PDGFD: variants seen among roughly 807,000 people sequenced by gnomAD.
PDGFD encodes platelet-derived growth factor D.
PDGFD carries 30 observed loss-of-function variants against 44.7 expected under a neutral mutation model. That is an observed-to-expected ratio of 0.67 (90% CI 0.50 to 0.91). PDGFD has a LOEUF of 0.91. Among genes scored for constraint, PDGFD ranks in the 40% least tolerant of loss-of-function variants. The pLI is 0.00. For synonymous variants in PDGFD, 173 were observed against 168.4 expected (o/e 1.03, Z -0.21); for missense variants, 445 against 457.8 (o/e 0.97, Z 0.25).
At chr11:104,037,893 G>C (rs760762374) in intron 1 of PDGFD, 1 of 1,614,170 alleles carries the variant, frequency 6.2e-7, no homozygotes, top group Non-Finnish European at 8.5e-7. Context: ...CTGGCACGCA[G>C]ACTTATTTTC....
At chr11:104,033,760 AC>A (rs1469745406) in intron 1 of PDGFD, among the ~76,000 whole-genome samples, 1 of 152,216 alleles carries the variant, frequency 6.6e-6, no homozygotes, top group Non-Finnish European at 1.5e-5. Flanking sequence ...TTAAAGTCTT[AC>A]TGGTTTCTCA....
chr11:104,033,724 G>A (rs944235217), intron 1 of PDGFD, among the ~76,000 whole-genome samples: 3 of 151,958 alleles, frequency 2.0e-5, no homozygotes, highest in African/African-American at 7.3e-5. Flanking sequence ...AAGCTATTTG[G>A]GGAAAAAAGA....
At chr11:103,935,396 GCAAA>G (rs1398960480) in intron 5 of PDGFD, among the ~76,000 whole-genome samples, 2 of 152,086 alleles carry the variant, frequency 1.3e-5, no homozygotes, top group Admixed American at 1.3e-4. Context: ...ATGCTTGCTG[GCAAA>G]CAGAGTAAGT....
intron 1 of PDGFD, among the ~76,000 whole-genome samples, chr11:104,010,499 T>C (rs1381997414): frequency 6.6e-6 from 1 of 152,166 alleles, no homozygotes; most frequent in Non-Finnish European, 1.5e-5. Context: ...TGTTTTGTTA[T>C]TGTACATTAG....
At chr11:103,993,952 T>A (rs1859496773) in intron 3 of PDGFD, among the ~76,000 whole-genome samples, 1 of 151,912 alleles carries the variant, frequency 6.6e-6, no homozygotes, top group Non-Finnish European at 1.5e-5. Flanking sequence ...AAATTGAATA[T>A]ACTGGTGGAG....
intron 1 of PDGFD, among the ~76,000 whole-genome samples, chr11:104,004,872 C>CTTTTTTTTTTTTTTTTTT (rs33979812): frequency 2.8e-5 from 2 of 71,892 alleles, no homozygotes; most frequent in African/African-American, 5.6e-5. Context: ...TTATTACCAC[C>CTTTTTTTTTTTTTTTTTT]TTTTTTTTTT....
chr11:104,069,584 G>A (rs548434149), intron 1 of PDGFD, among the ~76,000 whole-genome samples: 2 of 152,310 alleles, frequency 1.3e-5, no homozygotes, highest in East Asian at 3.9e-4. Flanking sequence ...ATGCTGGCCG[G>A]GCACAGTGGT....
At chr11:104,001,024 C>T (rs1465927433) in intron 1 of PDGFD, among the ~76,000 whole-genome samples, 2 of 152,078 alleles carry the variant, frequency 1.3e-5, no homozygotes, top group African/African-American at 4.8e-5. Context: ...TCACTGTGGG[C>T]CCACAGATAA....
intron 1 of PDGFD, among the ~76,000 whole-genome samples, chr11:104,084,066 A>G (rs1035193324): frequency 3.3e-5 from 5 of 152,200 alleles, no homozygotes; most frequent in Non-Finnish European, 7.3e-5. Flanking sequence ...GAGGAACAAT[A>G]TGTACGGATT....
chr11:104,138,468 T>C (rs2119865080), intron 1 of PDGFD, among the ~76,000 whole-genome samples: 1 of 152,322 alleles, frequency 6.6e-6, no homozygotes, highest in African/African-American at 2.4e-5. Flanking sequence ...GGCTTATGTT[T>C]CCTCCTAGCC....
intron 1 of PDGFD, among the ~76,000 whole-genome samples, chr11:104,049,477 C>A (rs1860492992): frequency 6.6e-6 from 1 of 152,050 alleles, no homozygotes. Flanking sequence ...GAATTTCATT[C>A]TAAGTGTTAT....
chr11:104,132,169 T>G (rs1239435034), intron 1 of PDGFD, among the ~76,000 whole-genome samples: 1 of 152,024 alleles, frequency 6.6e-6, no homozygotes, highest in African/African-American at 2.4e-5. Flanking sequence ...AAGGTCAGTT[T>G]CTCATTGTTT....
At position 104,068,919 on chromosome 11, in the gene PDGFD, T is replaced by A. The variant is rs139120339; in HGVS notation, c.125-68664A>T. ...CCCCTTACCCCTAAATATTTCAGTGTGCATTTTCTAAAAGCAAGCAATTCT... is the reference window on the plus strand; with the variant it reads ...CCCCTTACCCCTAAATATTTCAGTGAGCATTTTCTAAAAGCAAGCAATTCT... On this transcript the variant is annotated intron_variant, in intron 1 of 6. Transcript: ENST00000393158. 5.5e-3 allele frequency among the ~76,000 whole-genome samples: 832 copies of A among 152,308 alleles called. 7 individuals are homozygous for A. Among genetic ancestry groups the A allele is most frequent in the Middle Eastern group, 0.014 (4 of 294 alleles).
At chr11:104,062,565 ATTAC>A in intron 1 of PDGFD, among the ~76,000 whole-genome samples, 1 of 152,198 alleles carries the variant, frequency 6.6e-6, no homozygotes, top group Admixed American at 6.5e-5. Context: ...GTTAGGAATA[ATTAC>A]TTATATTAAT....
intron 4 of PDGFD, 51 bp from the exon 5 acceptor site, chr11:103,943,701 A>AATACAACAGTCATTCAACT (rs1858626680): frequency 2.1e-6 from 3 of 1,457,012 alleles, no homozygotes; most frequent in Non-Finnish European, 2.9e-6. Flanking sequence ...ATTGCTGTGA[A>AATACAACAGTCATTCAACT]ATACAACAGT....
chr11:104,069,848 A>G (rs1242410879), intron 1 of PDGFD, among the ~76,000 whole-genome samples: 1 of 152,226 alleles, frequency 6.6e-6, no homozygotes, highest in African/African-American at 2.4e-5. Context: ...TGACAGAGCG[A>G]GACTCCGTCT....
intron 1 of PDGFD, among the ~76,000 whole-genome samples, chr11:104,049,528 T>A (rs577013994): frequency 6.6e-6 from 1 of 152,172 alleles, no homozygotes; most frequent in African/African-American, 2.4e-5. Context: ...ACATTTGATT[T>A]TTTTTTAAGC....
intron 1 of PDGFD, among the ~76,000 whole-genome samples, chr11:104,132,211 T>C (rs981387288): frequency 6.6e-6 from 1 of 152,096 alleles, no homozygotes; most frequent in Non-Finnish European, 1.5e-5. Flanking sequence ...GTTACCTCCT[T>C]ATACTTATCT....
chr11:104,094,734 C>T (rs937616702), intron 1 of PDGFD, among the ~76,000 whole-genome samples: 31 of 152,230 alleles, frequency 2.0e-4, no homozygotes, highest in Middle Eastern at 3.4e-3. Flanking sequence ...GACATCATCC[C>T]ATTCATTGAC....
Sources: gnomAD v4.1 joint callset for allele counts (sites outside exome capture counted in the v4.1 genomes callset) on GRCh38, gnomAD v4.1.1 for gene constraint, MANE v1.5 for transcripts, NCBI Gene and HGNC (gene_info 2026-07-23, HGNC 2026-07-21) for gene names.